NCAPD2: variants seen among roughly 807,000 people sequenced by gnomAD.
NCAPD2 encodes non-SMC condensin I complex subunit D2, also known as condensin complex subunit 1.
In NCAPD2, 100 loss-of-function variants were observed where a neutral mutation model predicts 164.5. The observed-to-expected ratio is 0.61, with a 90% CI of 0.52 to 0.72. NCAPD2 has a LOEUF of 0.72. Ranked by LOEUF, NCAPD2 falls within the 30% of genes least tolerant of loss-of-function variation. The pLI is 0.00. For synonymous variants in NCAPD2, 585 were observed against 642.6 expected (o/e 0.91, Z 1.36); for missense variants, 1,560 against 1,749.2 (o/e 0.89, Z 1.93).
At chr12:6,495,312 C>A in intron 2 of NCAPD2, 87 bp downstream of exon 2, 2 of 1,492,458 alleles carry the variant, frequency 1.3e-6, no homozygotes, top group Non-Finnish European at 1.8e-6. Context: ...TGTTCCACTA[C>A]ACCAGGAAGC....
In NCAPD2 at chr12:6,519,084, G is replaced by A. The variant is rs534380262; in HGVS notation, c.1589+1125G>A. Among the ~76,000 whole-genome samples the A allele has an allele frequency of 6.6e-5, 10 of 151,848 alleles. No individual in the cohort carries two copies. The South Asian group carries it at 2.1e-3, about 32-fold the overall frequency. On this transcript the variant is annotated intron_variant, in intron 13 of 31. Coordinates refer to ENST00000315579, the MANE Select transcript of NCAPD2 (RefSeq NM_014865.4). The stretch of plus-strand genomic sequence containing the variant: ...TTTTTATATTTTTAGTAGAGACGGG[G>A]TTTCACCGTGTTAGCCAGGATGGTC...
chr12:6,517,422 GACAAGTCAGT>G lies in NCAPD2; in HGVS notation c.1244_1253del (p.Asp415GlyfsTer2). ...GGCTTTAGCTGTGGGACGTCTGGCA[GACAAGTCAGT>G]GCTAGTATGTAAAAATGCCATCCAG... On this transcript the variant is annotated frameshift_variant, in exon 11 of 32. Coordinates refer to ENST00000315579, the MANE Select transcript of NCAPD2 (RefSeq NM_014865.4). LOFTEE classifies it high-confidence loss of function. 6.2e-7 allele frequency: 1 copy of G among 1,614,254 alleles called. No individual in the cohort carries two copies. The highest frequency in any genetic ancestry group is 8.5e-7 in the Non-Finnish European group (1 of 1,180,050).
chr12:6,511,224 C>T lies in NCAPD2; in HGVS notation c.559C>T (p.His187Tyr), dbSNP rs1394499311. 6.2e-7 allele frequency: 1 copy of T among 1,614,208 alleles called. No homozygotes were observed. Among genetic ancestry groups the T allele is most frequent in the Non-Finnish European group, 8.5e-7 (1 of 1,180,026 alleles). The change falls in exon 6 of 32, where the codon CAC becomes TAC. Residue 187 changes from histidine (H) to tyrosine (Y), a missense_variant. Transcript: ENST00000315579. Reference sequence around the variant, plus strand: ...GTTGGACATCCGTCACCTGTGGAACCACTCAATAATTGAAGAAGAATTTGT... The same window carrying T: ...GTTGGACATCCGTCACCTGTGGAACTACTCAATAATTGAAGAAGAATTTGT... ...LQLDIRHLWN[H>Y]SIIEEEFVSL...
chr12:6,506,881 A>G (rs1470660707), intron 2 of NCAPD2, among the ~76,000 whole-genome samples: 1 of 152,174 alleles, frequency 6.6e-6, no homozygotes, highest in Non-Finnish European at 1.5e-5. Context: ...ATATTTACTG[A>G]AAAAAATTAG....
chr12:6,517,354 A>G lies in NCAPD2; in HGVS notation c.1186-11A>G, dbSNP rs371079286. ...GACTTGAGCAGATTCTTCTCTTCCT[A>G]CCCTACACAGGCTCTCCCCCTGACA... On this transcript the variant is annotated splice_polypyrimidine_tract_variant and intron_variant, in intron 10 of 31. Transcript: ENST00000315579. 248 of 1,613,172 alleles carry G rather than the reference A, an allele frequency of 1.5e-4. No individual in the cohort carries two copies. Among genetic ancestry groups the G allele is most frequent in the Non-Finnish European group, 1.9e-4 (222 of 1,179,684 alleles).
At chr12:6,512,034 C>T (rs1342245092) in intron 6 of NCAPD2, among the ~76,000 whole-genome samples, 1 of 151,830 alleles carries the variant, frequency 6.6e-6, no homozygotes, top group Non-Finnish European at 1.5e-5. Flanking sequence ...GTAATCCCAG[C>T]ACTTTGGGAG....
Position 6,525,715 on chromosome 12 carries a change from C to T in NCAPD2, c.2347C>T (p.Arg783Ter), listed in dbSNP as rs1000859870. 1.2e-6 allele frequency: 2 copies of T among 1,612,772 alleles called. No homozygotes were observed. Among genetic ancestry groups the T allele is most frequent in the African/African-American group, 1.3e-5 (1 of 74,856 alleles). The change falls in exon 18 of 32, where the codon CGA becomes TGA. Residue 783 changes from arginine (R) to a stop codon, truncating the protein, a stop_gained and splice_region_variant. Coordinates refer to ENST00000315579, the MANE Select transcript of NCAPD2 (RefSeq NM_014865.4). LOFTEE classifies it high-confidence loss of function. ...TGTCATGCTTCTTGGCATGATGGCA[C>T]GGTGAGGCTCAAATCTAGCAGGCAA... Reference protein sequence around the residue: ...SSVMLLGMMARGKPEIVGSNL... With the variant: ...SSVMLLGMMA
intron 2 of NCAPD2, among the ~76,000 whole-genome samples, chr12:6,508,353 G>T (rs113707214): frequency 2.0e-5 from 3 of 152,008 alleles, no homozygotes. Context: ...ACAAAAAAAT[G>T]GAAGCATGTT....
chr12:6,510,914 T>G, intron 5 of NCAPD2, 104 bp downstream of exon 5: 1 of 1,429,170 alleles, frequency 7.0e-7, no homozygotes, highest in South Asian at 1.3e-5. Flanking sequence ...CTGTCCTCAT[T>G]GAGAATTTAG....
chr12:6,504,210 T>TAG (rs1565539591), intron 2 of NCAPD2, among the ~76,000 whole-genome samples: 4 of 22,116 alleles, frequency 1.8e-4, no homozygotes, highest in East Asian at 1.5e-3. Context: ...TATATATATA[T>TAG]ATATATAGAT....
intron 16 of NCAPD2, 37 bp from the exon 17 acceptor site, chr12:6,523,225 A>G (rs773432921): frequency 4.4e-6 from 7 of 1,595,744 alleles, no homozygotes; most frequent in Admixed American, 3.4e-5. Context: ...CAGCTTCCCA[A>G]TCTTATAGTG....
chr12:6,517,039 A>T lies in NCAPD2; in HGVS notation c.1185+14A>T. On this transcript the variant is annotated intron_variant, in intron 10 of 31. Transcript: ENST00000315579. ...GTCCAGCAGAAGGTAACCAACTTCT[A>T]TGTGGCAAAAACATATGGTACCTCT... is the stretch of plus-strand genomic sequence containing the variant. 1 of 1,613,468 alleles carries T rather than the reference A, an allele frequency of 6.2e-7. No individual in the cohort carries two copies. The highest frequency in any genetic ancestry group is 8.5e-7 in the Non-Finnish European group (1 of 1,179,336).
At position 6,528,963 on chromosome 12, in the gene NCAPD2, C is replaced by T. The variant is rs1020979197; in HGVS notation, c.3496C>T (p.Leu1166Phe). 6.2e-7 allele frequency: 1 copy of T among 1,614,106 alleles called. No individual in the cohort carries two copies. Among genetic ancestry groups the T allele is most frequent in the South Asian group, 1.1e-5 (1 of 91,074 alleles). ...CTTACAGGGCAACGCAATCTATAAT[C>T]TCCTTCCAGATATCATCAGCCGCCT... ...LSHKGNAIYN[L>F]LPDIISRLSD... Residue 1166 changes from leucine (L) to phenylalanine (F), a missense_variant, in exon 27 of 32, where the codon CTC becomes TTC. By Grantham distance (22) the Leu-to-Phe change is conservative (BLOSUM62 0). Transcript: ENST00000315579. The surrounding 1 kb of genome is among the most constrained non-coding windows in gnomAD (Gnocchi z 5.1).
In NCAPD2 at chr12:6,531,245, T is replaced by A. The variant is rs770826249; in HGVS notation, c.4121-82T>A. ...TTTATTTCTTCTGTGCGGTGTGGGA[T>A]TGTCTCACTTGTTCTCTGATATCTA... On this transcript the variant is annotated intron_variant, in intron 31 of 31. Coordinates refer to ENST00000315579, the MANE Select transcript of NCAPD2 (RefSeq NM_014865.4). This position sits in a 1 kb window ranked among gnomAD's most constrained non-coding sequence, Gnocchi z 4.1. 66 of 1,500,424 alleles carry A rather than the reference T, an allele frequency of 4.4e-5. No homozygotes were observed. The highest frequency in any genetic ancestry group is 5.8e-5 in the Non-Finnish European group (63 of 1,088,990). 92.9% of individuals were successfully genotyped at this position (1,500,424 alleles called of 1,614,324 possible).
chr12:6,509,074 CTTT>C (rs57728406), intron 2 of NCAPD2, among the ~76,000 whole-genome samples: 3 of 143,840 alleles, frequency 2.1e-5, no homozygotes, highest in African/African-American at 7.7e-5. Flanking sequence ...ATAGGATAAA[CTTT>C]TTTTTTTTTT....
chr12:6,501,227 ATTTTTTTTTTTTTTTTT>A (rs71067121), intron 2 of NCAPD2, among the ~76,000 whole-genome samples: 3 of 69,214 alleles, frequency 4.3e-5, no homozygotes, highest in South Asian at 5.8e-4. Flanking sequence ...CGCCTGGCTA[ATTTTTTTTTTTTTTTTT>A]TTTTTTTTTT....
In NCAPD2 at chr12:6,511,552, C is replaced by G. The variant is rs181548131; in HGVS notation, c.587+300C>G. ...CCATGTTGGCCAGGCTGGTCTTGAA[C>G]TCCTAACCTCAGGTGATCTCCCTGC... On this transcript the variant is annotated intron_variant, in intron 6 of 31. Transcript: ENST00000315579. 3.5e-4 allele frequency among the ~76,000 whole-genome samples: 53 copies of G among 151,734 alleles called. 2 individuals are homozygous for G. The East Asian group carries it at 0.01, about 29-fold the overall frequency.
In NCAPD2 at chr12:6,526,119, G is replaced by A. The variant is rs115791107; in HGVS notation, c.2400G>A (p.Gly800=). 71 of 1,614,166 alleles carry A rather than the reference G, an allele frequency of 4.4e-5. 1 individual carries two copies. Among genetic ancestry groups the A allele is most frequent in the African/African-American group, 1.9e-4 (14 of 75,042 alleles). ...GSNLDTLVSI[G]LDEKFPQDYR... ...ATTTAGACACACTGGTGAGCATAGG[G>A]CTGGATGAGAAGTTTCCACAGGACT... Residue 800 remains glycine (G), a synonymous_variant, in exon 19 of 32, where the codon GGG becomes GGA. Transcript: ENST00000315579.
chr12:6,528,668 T>G lies in NCAPD2; in HGVS notation c.3300-11T>G. Reference sequence around the variant, plus strand: ...GGTCTCGGTCCCCATGACCCGCAATTCCATTCCTAGTCTCCGGGACCCTGC... The same window carrying G: ...GGTCTCGGTCCCCATGACCCGCAATGCCATTCCTAGTCTCCGGGACCCTGC... On this transcript the variant is annotated splice_polypyrimidine_tract_variant and intron_variant, in intron 25 of 31. Coordinates refer to ENST00000315579, the MANE Select transcript of NCAPD2 (RefSeq NM_014865.4). The surrounding 1 kb of genome is among the most constrained non-coding windows in gnomAD (Gnocchi z 5.1). The G allele has an allele frequency of 6.2e-7, 1 of 1,605,966 alleles. No individual in the cohort carries two copies. Among genetic ancestry groups the G allele is most frequent in the East Asian group, 2.2e-5 (1 of 44,632 alleles).
Sources: gnomAD v4.1 joint callset for allele counts (sites outside exome capture counted in the v4.1 genomes callset) on GRCh38, gnomAD v4.1.1 for gene constraint, Gnocchi (gnomAD v3.1) non-coding constraint, MANE v1.5 for transcripts, NCBI Gene and HGNC (gene_info 2026-07-23, HGNC 2026-07-21) for gene names.